The following PHAX variants were observed in gnomAD, a reference collection of about 807,000 sequenced individuals.
PHAX encodes phosphorylated adapter RNA export protein.
A neutral mutation model predicts 41.6 loss-of-function variants in PHAX; 31 were observed. The observed-to-expected ratio is 0.75, with a 90% confidence interval of 0.56 to 1.01. The LOEUF is 1.01. Ranked by LOEUF, PHAX falls within the 50% of genes least tolerant of loss-of-function variation. The pLI is 0.00. For missense variants in PHAX, 453 were observed against 472.9 expected (o/e 0.96, Z 0.39); for synonymous variants, 175 against 164.9 (o/e 1.06, Z -0.47).
At chr5:126,619,666 A>C (rs1407772787) in intron 4 of PHAX, among the ~76,000 whole-genome samples, 1 of 151,764 alleles carries the variant, frequency 6.6e-6, no homozygotes, top group African/African-American at 2.4e-5. Flanking sequence ...TGTGGCTTTC[A>C]TTCATTCTTC....
chr5:126,617,061 A>G (rs1434852375), intron 3 of PHAX, among the ~76,000 whole-genome samples, 189 bp from the exon 4 acceptor site: 1 of 152,184 alleles, frequency 6.6e-6, no homozygotes, highest in African/African-American at 2.4e-5. Flanking sequence ...CCTTCATTTT[A>G]TAGATGAAGA....
At chr5:126,603,501 A>G in intron 1 of PHAX, 69 bp from the exon 2 acceptor site, 3 of 1,508,514 alleles carry the variant, frequency 2.0e-6, no homozygotes, top group Non-Finnish European at 2.7e-6. Context: ...GAATCTCTAA[A>G]TTTTTAAAAA....
At chr5:126,614,335 G>A (rs190433683) in intron 3 of PHAX, among the ~76,000 whole-genome samples, 2 of 152,178 alleles carry the variant, frequency 1.3e-5, no homozygotes, top group African/African-American at 4.8e-5. Flanking sequence ...CTGACCTCAA[G>A]TGATCCACCC....
chr5:126,604,198 T>G lies in PHAX; in HGVS notation c.710+15T>G, dbSNP rs775353452. On this transcript the variant is annotated intron_variant, in intron 2 of 4. Transcript: ENST00000297540. ...ATTTCATTCAGGTGAGCATTTGAAT[T>G]ACAAATAAGTACTTGACCAGATGGC... 2.6e-6 allele frequency: 4 copies of G among 1,514,146 alleles called. No individual in the cohort carries two copies. Among genetic ancestry groups the G allele is most frequent in the Middle Eastern group, 1.8e-4 (1 of 5,608 alleles). 93.8% of individuals were successfully genotyped at this position (1,514,146 alleles called of 1,614,324 possible). A position where few individuals can be genotyped will look rare whatever the true frequency, so the allele number is the denominator to read the frequency against.
rs780187346 is a variant in PHAX, at chr5:126,603,594, A to G, written c.121A>G (p.Met41Val). Residue 41 changes from methionine to valine, a missense_variant, in exon 2 of 5, where the codon ATG becomes GTG. Coordinates refer to ENST00000297540, the MANE Select transcript of PHAX (RefSeq NM_032177.4). ...LPKVLGGDSA[M>V]RAFQNTATAC... Reference sequence around the variant, plus strand: ...GAAAGTGCTAGGTGGCGACAGTGCTATGAGGGCCTTCCAGAACACGGCAAC... The same window carrying G: ...GAAAGTGCTAGGTGGCGACAGTGCTGTGAGGGCCTTCCAGAACACGGCAAC... The G allele has an allele frequency of 2.6e-5, 42 of 1,613,286 alleles. No homozygotes were observed. The highest frequency in any genetic ancestry group is 3.3e-5 in the Non-Finnish European group (39 of 1,179,320).
chr5:126,611,407 G>A (rs1012520946), intron 3 of PHAX, among the ~76,000 whole-genome samples: 7 of 152,260 alleles, frequency 4.6e-5, no homozygotes, highest in South Asian at 2.1e-4. Context: ...TGCTTTCTAC[G>A]TGCCAGGCAC....
chr5:126,621,135 A>G (rs2112838094), intron 4 of PHAX, among the ~76,000 whole-genome samples: 1 of 152,112 alleles, frequency 6.6e-6, no homozygotes, highest in East Asian at 1.9e-4. Context: ...AATGATGTTC[A>G]TGCCTCGGCC....
chr5:126,611,100 G>A (rs1457205485), intron 3 of PHAX, among the ~76,000 whole-genome samples: 1 of 147,372 alleles, frequency 6.8e-6, no homozygotes, highest in Non-Finnish European at 1.5e-5. Context: ...TTGTTGCCCA[G>A]GCTGGAGTCC....
chr5:126,620,346 A>G (rs1752250766), intron 4 of PHAX, among the ~76,000 whole-genome samples: 1 of 152,216 alleles, frequency 6.6e-6, no homozygotes, highest in African/African-American at 2.4e-5. Flanking sequence ...CTTAAAAGAT[A>G]CCTTCTAAGT....
intron 4 of PHAX, among the ~76,000 whole-genome samples, chr5:126,621,167 G>T (rs1478820543): frequency 6.6e-6 from 1 of 152,162 alleles, no homozygotes; most frequent in African/African-American, 2.4e-5. Flanking sequence ...TGGGATTACA[G>T]GTGTGAGCCA....
At position 126,604,142 on chromosome 5, in the gene PHAX, G is replaced by A. The variant is rs562584736; in HGVS notation, c.669G>A (p.Ala223=). Residue 223 remains alanine, a synonymous_variant, in exon 2 of 5, where the codon GCG becomes GCA. Transcript: ENST00000297540. ...MNYKGRYEIT[A]EDSQEKVADE... is the part of the protein sequence containing the mutation. ...ATAAAGGTCGATACGAGATCACAGC[G>A]GAAGATTCTCAAGAGAAAGTGGCTG... The A allele has an allele frequency of 7.5e-4, 1,172 of 1,556,918 alleles. 19 individuals carry two copies. In the South Asian group the frequency reaches 0.013, roughly 18 times the overall value.
chr5:126,622,876 A>G (rs1401684392), intron 4 of PHAX, among the ~76,000 whole-genome samples: 1 of 152,142 alleles, frequency 6.6e-6, no homozygotes, highest in Non-Finnish European at 1.5e-5. Flanking sequence ...CTGTAATCCC[A>G]GCACTTTGGG....
intron 3 of PHAX, among the ~76,000 whole-genome samples, chr5:126,609,795 A>G (rs1581418261): frequency 1.3e-5 from 2 of 151,780 alleles, no homozygotes; most frequent in East Asian, 3.9e-4. Flanking sequence ...GCTGGAGTGC[A>G]GTGGCACGAT....
At chr5:126,624,389 G>A (rs1275584687) in intron 4 of PHAX, among the ~76,000 whole-genome samples, 186 bp from the exon 5 acceptor site, 1 of 152,090 alleles carries the variant, frequency 6.6e-6, no homozygotes, top group Non-Finnish European at 1.5e-5. Flanking sequence ...ACTAGGCTGG[G>A]TTTAAATCAG....
At chr5:126,618,670 G>GTTTT (rs1310062519) in intron 4 of PHAX, among the ~76,000 whole-genome samples, 4 of 120,366 alleles carry the variant, frequency 3.3e-5, no homozygotes, top group East Asian at 2.5e-4. Flanking sequence ...TTTAAAAACT[G>GTTTT]TTTTTTTTTT....
chr5:126,611,989 G>A (rs893602647), intron 3 of PHAX, among the ~76,000 whole-genome samples: 1 of 151,906 alleles, frequency 6.6e-6, no homozygotes, highest in African/African-American at 2.4e-5. Context: ...AGAAGTAACA[G>A]CTATTGTAGA....
intron 3 of PHAX, among the ~76,000 whole-genome samples, chr5:126,610,259 T>C (rs1454766713): frequency 6.6e-6 from 1 of 152,200 alleles, no homozygotes; most frequent in Non-Finnish European, 1.5e-5. Context: ...TCACGAGCAC[T>C]GGCGGTTATA....
intron 3 of PHAX, among the ~76,000 whole-genome samples, chr5:126,615,784 T>G (rs1752175524): frequency 6.6e-6 from 1 of 152,176 alleles, no homozygotes. Flanking sequence ...AAAAGTGTTG[T>G]CTATCAGAGG....
chr5:126,616,650 C>CG (rs1752188256), intron 3 of PHAX, among the ~76,000 whole-genome samples: 1 of 152,000 alleles, frequency 6.6e-6, no homozygotes, highest in Non-Finnish European at 1.5e-5. Context: ...GAGGCTGAGG[C>CG]GGGCAGATCG....
Sources: allele counts gnomAD v4.1 joint callset (sites outside exome capture counted in the v4.1 genomes callset), GRCh38; gene constraint gnomAD v4.1.1; transcripts MANE v1.5; gene names NCBI Gene and HGNC (gene_info 2026-07-23, HGNC 2026-07-21).